FHIT: variants seen among roughly 807,000 people sequenced by gnomAD.
The protein encoded by FHIT is bis(5'-adenosyl)-triphosphatase.
In FHIT, 19 loss-of-function variants were observed where a neutral mutation model predicts 17.9. That is an observed-to-expected ratio of 1.06 (90% CI 0.74 to 1.56). The LOEUF is 1.56. FHIT is among the 40% of genes most tolerant of loss of function. The pLI, the probability that FHIT is intolerant of heterozygous loss-of-function variation, is 0.00. For synonymous variants in FHIT, 81 were observed against 69.7 expected, an observed-to-expected ratio of 1.16 and a Z score of -0.81; for missense variants, 248 against 189.2, an observed-to-expected ratio of 1.31 and a Z score of -1.82.
intron 5 of FHIT, among the ~76,000 whole-genome samples, chr3:60,343,054 C>T (rs1710605481): frequency 6.6e-6 from 1 of 152,048 alleles, no homozygotes. Context: ...TAGTTACACC[C>T]CAGGGATCTT....
At chr3:60,914,869 C>T (rs1370695570) in intron 3 of FHIT, among the ~76,000 whole-genome samples, 9 of 152,184 alleles carry the variant, frequency 5.9e-5, no homozygotes, top group African/African-American at 2.2e-4. Flanking sequence ...CTTCACTATT[C>T]ATTGTGTAGG....
At chr3:60,594,275 G>A (rs2038188033) in intron 4 of FHIT, among the ~76,000 whole-genome samples, 1 of 152,050 alleles carries the variant, frequency 6.6e-6, no homozygotes, top group South Asian at 2.1e-4. Flanking sequence ...AAGAAATATA[G>A]TACACACATA....
At chr3:60,927,626 C>A (rs530104480) in intron 3 of FHIT, among the ~76,000 whole-genome samples, 115 of 152,094 alleles carry the variant, frequency 7.6e-4, no homozygotes, top group Middle Eastern at 3.4e-3. Context: ...AGCGCCTCTG[C>A]CCGGCCGCCC....
chr3:60,310,081 C>A (rs940589372), intron 5 of FHIT, among the ~76,000 whole-genome samples: 1 of 152,060 alleles, frequency 6.6e-6, no homozygotes, highest in Non-Finnish European at 1.5e-5. Context: ...GGCAAGAAAG[C>A]AAGTAAACAA....
In FHIT at chr3:60,160,129, TG is replaced by T. The variant is rs1346916761; in HGVS notation, c.104-145978del. Among the ~76,000 whole-genome samples the T allele has an allele frequency of 3.5e-5, 5 of 144,474 alleles. No homozygotes were observed. The East Asian group carries it at 7.7e-4, about 22-fold the overall frequency. 94.8% of individuals were successfully genotyped at this position (144,474 alleles called of 152,430 possible). A position where few individuals can be genotyped will look rare whatever the true frequency, so the allele number is the denominator to read the frequency against. On this transcript the variant is annotated intron_variant, in intron 5 of 9. Coordinates refer to ENST00000492590, the MANE Select transcript of FHIT (RefSeq NM_002012.4). ...ACTAATCCCATTCTGTGCTTATGTG[TG>T]TGTGTGTGTGTGTCTGTGTGTCTGT...
chr3:60,067,063 C>T (rs1702546318), intron 5 of FHIT, among the ~76,000 whole-genome samples: 2 of 152,092 alleles, frequency 1.3e-5, no homozygotes, highest in Non-Finnish European at 2.9e-5. Flanking sequence ...AAAATAGATG[C>T]ACCTGTCCCC....
At chr3:60,197,119 A>T (rs1414379812) in intron 5 of FHIT, among the ~76,000 whole-genome samples, 1 of 152,218 alleles carries the variant, frequency 6.6e-6, no homozygotes, top group East Asian at 1.9e-4. Flanking sequence ...GAAAAGCAGC[A>T]TACTTAACAT....
intron 2 of FHIT, among the ~76,000 whole-genome samples, chr3:61,118,944 A>G (rs1029298781): frequency 6.6e-6 from 1 of 152,190 alleles, no homozygotes; most frequent in Non-Finnish European, 1.5e-5. Flanking sequence ...AAATTTCACT[A>G]TTTGTGAAAC....
At chr3:60,626,783 CTCTT>C (rs1447525271) in intron 4 of FHIT, among the ~76,000 whole-genome samples, 16 of 85,956 alleles carry the variant, frequency 1.9e-4, no homozygotes, top group Non-Finnish European at 2.6e-4. Flanking sequence ...GGGGAAAACA[CTCTT>C]TTTTTTTTTT....
intron 8 of FHIT, among the ~76,000 whole-genome samples, chr3:59,776,623 C>T (rs1187971737): frequency 2.0e-5 from 3 of 152,010 alleles, no homozygotes; most frequent in African/African-American, 7.2e-5. Context: ...CTAAATGGAC[C>T]CCTTGCTTCT....
At chr3:59,813,344 T>C (rs2107056177) in intron 8 of FHIT, among the ~76,000 whole-genome samples, 1 of 152,322 alleles carries the variant, frequency 6.6e-6, no homozygotes, top group South Asian at 2.1e-4. Context: ...ACCTTGGAAA[T>C]GTGTGGCTTC....
In FHIT at chr3:60,181,177, C is replaced by A. The variant is rs151259745; in HGVS notation, c.104-167025G>T. On this transcript the variant is annotated intron_variant, in intron 5 of 9. Coordinates refer to ENST00000492590, the MANE Select transcript of FHIT (RefSeq NM_002012.4). The stretch of plus-strand genomic sequence containing the variant: ...TTTTTTTTTTTTTGAGACTGAGTCT[C>A]ACTCTGTCACCAGGCTGGAGTGCAG... 3.5e-3 allele frequency among the ~76,000 whole-genome samples: 480 copies of A among 136,800 alleles called. 1 individual carries two copies. Among genetic ancestry groups the A allele is most frequent in the African/African-American group, 0.012 (446 of 35,754 alleles). The allele number at this position is 136,800 out of a possible 152,430, so 89.7% of individuals were successfully genotyped here. A position where few individuals can be genotyped will look rare whatever the true frequency, so the allele number is the denominator to read the frequency against.
Position 60,197,701 on chromosome 3 carries a change from A to G in FHIT, c.104-183549T>C, listed in dbSNP as rs139457970. Reference sequence around the variant, plus strand: ...TCAATGTAGTGGTAGAGGGGGTCAAATGAAAAACATTTCTTCTTTGTATTG... The same window carrying G: ...TCAATGTAGTGGTAGAGGGGGTCAAGTGAAAAACATTTCTTCTTTGTATTG... On this transcript the variant is annotated intron_variant, in intron 5 of 9. Transcript: ENST00000492590. Among the ~76,000 whole-genome samples, 395 of 152,288 alleles carry G rather than the reference A, an allele frequency of 2.6e-3. 2 individuals carry two copies. Among genetic ancestry groups the G allele is most frequent in the African/African-American group, 9.1e-3 (379 of 41,574 alleles).
intron 5 of FHIT, among the ~76,000 whole-genome samples, chr3:60,473,536 C>T (rs992525735): frequency 6.6e-6 from 1 of 152,172 alleles, no homozygotes; most frequent in Non-Finnish European, 1.5e-5. Context: ...AATGAAAAGG[C>T]CATTAACCAA....
At chr3:61,217,649 T>C (rs1161063083) in intron 1 of FHIT, among the ~76,000 whole-genome samples, 1 of 152,150 alleles carries the variant, frequency 6.6e-6, no homozygotes, top group Non-Finnish European at 1.5e-5. Context: ...AGGGAGTGTC[T>C]GTTACACTGT....
At chr3:60,951,484 C>G (rs185829209) in intron 3 of FHIT, among the ~76,000 whole-genome samples, 1 of 152,058 alleles carries the variant, frequency 6.6e-6, no homozygotes, top group Non-Finnish European at 1.5e-5. Context: ...AACAAGCAAA[C>G]GAAGAGGAAA....
chr3:59,871,998 T>A (rs1416567462), intron 8 of FHIT, among the ~76,000 whole-genome samples: 1 of 152,142 alleles, frequency 6.6e-6, no homozygotes, highest in Non-Finnish European at 1.5e-5. Flanking sequence ...TGATACAAAG[T>A]TTCCAAAGAT....
At chr3:61,063,241 G>T (rs2034489481) in intron 2 of FHIT, among the ~76,000 whole-genome samples, 1 of 39,050 alleles carries the variant, frequency 2.6e-5, no homozygotes, top group Admixed American at 2.1e-4. Context: ...GAGCGACAGA[G>T]CGAGACTCTG....
intron 8 of FHIT, among the ~76,000 whole-genome samples, chr3:59,756,499 A>ACACTCACT (rs35196912): frequency 2.0e-5 from 3 of 151,642 alleles, no homozygotes; most frequent in African/African-American, 4.9e-5. Context: ...AAAATACAAG[A>ACACTCACT]CACTCAGTGA....
Sources: allele counts gnomAD v4.1 joint callset (sites outside exome capture counted in the v4.1 genomes callset), GRCh38; gene constraint gnomAD v4.1.1; transcripts MANE v1.5; gene names NCBI Gene and HGNC (gene_info 2026-07-23, HGNC 2026-07-21).